The following LRFN5 variants were observed in gnomAD, a reference collection of about 807,000 sequenced individuals.
LRFN5 encodes leucine rich repeat and fibronectin type III domain containing 5.
Under a neutral mutation model 45.6 loss-of-function variants are expected in LRFN5, and 24 were observed. The ratio of observed to expected loss-of-function variants is 0.53; its 90% CI spans 0.38 to 0.74. The LOEUF (loss-of-function observed/expected upper bound fraction) is 0.74. Ranked by LOEUF, LRFN5 falls within the 30% of genes least tolerant of loss-of-function variation. LRFN5 has a pLI of 0.00. For missense variants in LRFN5, 776 were observed against 861.5 expected, an observed-to-expected ratio of 0.90 and a Z score of 1.24; for synonymous variants, 340 against 313.8, an observed-to-expected ratio of 1.08 and a Z score of -0.88.
At chr14:41,639,231 G>A (rs1160737611) in intron 1 of LRFN5, among the ~76,000 whole-genome samples, 2 of 152,050 alleles carry the variant, frequency 1.3e-5, no homozygotes, top group Non-Finnish European at 2.9e-5. Flanking sequence ...ATCTTGCAAG[G>A]CACAGGGAAC....
chr14:41,889,100 A>G (rs894639316), intron 3 of LRFN5, among the ~76,000 whole-genome samples: 2 of 81,418 alleles, frequency 2.5e-5, no homozygotes, highest in Admixed American at 1.4e-4. Flanking sequence ...ATATATGTCT[A>G]TATATATATG....
intron 1 of LRFN5, among the ~76,000 whole-genome samples, chr14:41,739,919 A>T (rs1466502804): frequency 1.3e-5 from 2 of 151,748 alleles, no homozygotes; most frequent in African/African-American, 4.8e-5. Flanking sequence ...TATCATGGAC[A>T]ACTATATAAT....
At chr14:41,816,561 G>GT (rs1887925904) in intron 2 of LRFN5, among the ~76,000 whole-genome samples, 1 of 146,768 alleles carries the variant, frequency 6.8e-6, no homozygotes, top group Admixed American at 6.7e-5. Context: ...AGTATTCTAT[G>GT]TTTTTTTCTT....
intron 1 of LRFN5, among the ~76,000 whole-genome samples, chr14:41,735,093 TGA>T (rs1335890502): frequency 2.0e-5 from 3 of 152,186 alleles, no homozygotes; most frequent in Non-Finnish European, 4.4e-5. Flanking sequence ...AAAAATATTC[TGA>T]GTTTTACTCG....
intron 2 of LRFN5, among the ~76,000 whole-genome samples, chr14:41,769,138 G>T (rs1201855406): frequency 6.6e-6 from 1 of 150,406 alleles, no homozygotes; most frequent in Non-Finnish European, 1.5e-5. Flanking sequence ...ACTTCAAATA[G>T]CTCATTGAAA....
chr14:41,859,234 C>G (rs897402499), intron 2 of LRFN5, among the ~76,000 whole-genome samples: 1 of 152,190 alleles, frequency 6.6e-6, no homozygotes, highest in African/African-American at 2.4e-5. Flanking sequence ...CAGAAACTTT[C>G]TAGCTACATG....
chr14:41,775,778 A>T (rs1886268654), intron 2 of LRFN5, among the ~76,000 whole-genome samples: 1 of 152,224 alleles, frequency 6.6e-6, no homozygotes, highest in South Asian at 2.1e-4. Context: ...AAGGAGGAAT[A>T]TTCACAAATA....
chr14:41,755,623 T>A (rs1184354513), intron 1 of LRFN5, among the ~76,000 whole-genome samples: 2 of 152,214 alleles, frequency 1.3e-5, no homozygotes, highest in Non-Finnish European at 2.9e-5. Context: ...GCTTGGTAGA[T>A]CTTCCTCCAT....
At chr14:41,846,493 A>T (rs1889072636) in intron 2 of LRFN5, among the ~76,000 whole-genome samples, 1 of 152,138 alleles carries the variant, frequency 6.6e-6, no homozygotes, top group Non-Finnish European at 1.5e-5. Flanking sequence ...ACATGCAAAA[A>T]AATACTGTAT....
intron 1 of LRFN5, among the ~76,000 whole-genome samples, chr14:41,671,046 AAATT>A (rs1488558381): frequency 6.6e-6 from 1 of 151,822 alleles, no homozygotes; most frequent in Non-Finnish European, 1.5e-5. Flanking sequence ...TTAGAATATA[AAATT>A]AATATTTAAT....
At chr14:41,698,205 A>G (rs895516079) in intron 1 of LRFN5, among the ~76,000 whole-genome samples, 2 of 152,070 alleles carry the variant, frequency 1.3e-5, no homozygotes, top group Non-Finnish European at 2.9e-5. Flanking sequence ...TGGATATATT[A>G]CATCCAGAAA....
chr14:41,633,444 C>T (rs1392142123), intron 1 of LRFN5, among the ~76,000 whole-genome samples: 1 of 152,008 alleles, frequency 6.6e-6, no homozygotes, highest in East Asian at 1.9e-4. Context: ...AATGCCTTAG[C>T]AGATACATTT....
intron 2 of LRFN5, among the ~76,000 whole-genome samples, chr14:41,786,901 T>A (rs1006056917): frequency 2.0e-5 from 3 of 152,092 alleles, no homozygotes; most frequent in Admixed American, 2.0e-4. Flanking sequence ...TTTCTTCTAC[T>A]GTGTCTACTC....
chr14:41,829,448 T>C (rs536258396), intron 2 of LRFN5, among the ~76,000 whole-genome samples: 6 of 152,140 alleles, frequency 3.9e-5, no homozygotes, highest in African/African-American at 1.4e-4. Context: ...TATGATGAGA[T>C]GAGCAATTTC....
chr14:41,650,108 A>G (rs1487670926), intron 1 of LRFN5, among the ~76,000 whole-genome samples: 1 of 152,106 alleles, frequency 6.6e-6, no homozygotes, highest in East Asian at 1.9e-4. Flanking sequence ...GATATTTGCA[A>G]CACAAGCCGA....
At chr14:41,846,496 T>C (rs1889072843) in intron 2 of LRFN5, among the ~76,000 whole-genome samples, 1 of 151,960 alleles carries the variant, frequency 6.6e-6, no homozygotes, top group African/African-American at 2.4e-5. Flanking sequence ...TGCAAAAAAA[T>C]ACTGTATGAT....
rs116467817 is a variant in LRFN5 at position 41,758,695 on chromosome 14, T to C, written c.-196-8159T>C. Among the ~76,000 whole-genome samples the C allele has an allele frequency of 5.7e-3, 870 of 152,356 alleles. 5 individuals carry two copies. The highest frequency in any genetic ancestry group is 0.02 in the African/African-American group (813 of 41,592). The stretch of plus-strand genomic sequence containing the variant: ...GCAAACATTATTTTGTATTCATCTT[T>C]AGTTCTTCATTCTTCCTTTGTCTTT... On this transcript the variant is annotated intron_variant, in intron 1 of 5. Coordinates refer to ENST00000298119, the MANE Select transcript of LRFN5 (RefSeq NM_152447.5).
At chr14:41,790,321 AT>A (rs887780860) in intron 2 of LRFN5, among the ~76,000 whole-genome samples, 2 of 150,922 alleles carry the variant, frequency 1.3e-5, no homozygotes, top group Admixed American at 6.6e-5. Flanking sequence ...TTTGAGTCTT[AT>A]TTTTTTTCTT....
intron 1 of LRFN5, among the ~76,000 whole-genome samples, chr14:41,710,426 A>G (rs1883233121): frequency 6.6e-6 from 1 of 152,042 alleles, no homozygotes; most frequent in South Asian, 2.1e-4. Context: ...ACGTGGTTAT[A>G]TCTTTTCAAA....
Sources: allele counts gnomAD v4.1 joint callset (sites outside exome capture counted in the v4.1 genomes callset), GRCh38; gene constraint gnomAD v4.1.1; transcripts MANE v1.5; gene names NCBI Gene and HGNC (gene_info 2026-07-23, HGNC 2026-07-21).